The following TRANK1 variants were observed in gnomAD, a reference collection of about 807,000 sequenced individuals.
The protein encoded by TRANK1 is TPR and ankyrin repeat-containing protein 1.
A neutral mutation model predicts 266.0 loss-of-function variants in TRANK1; 198 were observed. The ratio of observed to expected loss-of-function variants is 0.74; its 90% CI spans 0.66 to 0.84. TRANK1 has a LOEUF of 0.84. Among genes scored for constraint, TRANK1 ranks in the 40% least tolerant of loss-of-function variants. The pLI is 0.00. For synonymous variants in TRANK1, 1,396 were observed against 1,384.1 expected (o/e 1.01, Z -0.19); for missense variants, 3,326 against 3,634.6 (o/e 0.92, Z 2.18).
chr3:36,880,107 CATATAT>C (rs562777730), intron 8 of TRANK1: 2 of 70,504 alleles, frequency 2.8e-5, no homozygotes, highest in East Asian at 1.2e-3. Context: ...TATATATAAA[CATATAT>C]AAATATATAT....
intron 15 of TRANK1, 32 bp from the exon 16 acceptor site, chr3:36,847,378 GA>G: frequency 2.5e-6 from 4 of 1,610,660 alleles, no homozygotes; most frequent in Non-Finnish European, 3.4e-6. Context: ...AAGACCAACA[GA>G]ATATGCTTTT....
chr3:36,879,773 T>C (rs1247239511), intron 8 of TRANK1, among the ~76,000 whole-genome samples: 1 of 64,206 alleles, frequency 1.6e-5, no homozygotes, highest in Non-Finnish European at 3.0e-5. Flanking sequence ...TATATATAAA[T>C]ATATATAAAT....
chr3:36,942,140 T>A (rs2080504866), intron 1 of TRANK1, among the ~76,000 whole-genome samples: 1 of 152,196 alleles, frequency 6.6e-6, no homozygotes, highest in Non-Finnish European at 1.5e-5. Flanking sequence ...AATGAGGGCA[T>A]ATACTATAGA....
intron 10 of TRANK1, among the ~76,000 whole-genome samples, chr3:36,862,898 A>C (rs2079164270): frequency 6.6e-6 from 1 of 152,166 alleles, no homozygotes; most frequent in Non-Finnish European, 1.5e-5. Flanking sequence ...TTTTATTAGG[A>C]GAGTCAAAAA....
chr3:36,846,351 G>T lies in TRANK1; in HGVS notation c.5088C>A (p.Val1696=). Residue 1696 remains valine (V), a synonymous_variant, in exon 17 of 24, where the codon GTC becomes GTA. Coordinates refer to ENST00000645898, the MANE Select transcript of TRANK1 (RefSeq NM_001329998.2). ...GGTTTTCATCAAAGATCCAGAGGTT[G>T]ACCCGAGCCCGTGTGATGGCGGTGT... ...QLYTAITRAR[V]NLWIFDENRE... 1 of 1,613,852 alleles carries T rather than the reference G, an allele frequency of 6.2e-7. No homozygotes were observed. Among genetic ancestry groups the T allele is most frequent in the Non-Finnish European group, 8.5e-7 (1 of 1,179,830 alleles).
At chr3:36,849,258 G>T (rs1299986024) in intron 15 of TRANK1, among the ~76,000 whole-genome samples, 1 of 152,062 alleles carries the variant, frequency 6.6e-6, no homozygotes, top group Non-Finnish European at 1.5e-5. Context: ...GGTCCCACTG[G>T]GGCAAGGTAT....
chr3:36,858,884 A>G lies in TRANK1; in HGVS notation c.1506T>C (p.Asp502=), dbSNP rs2079095578. 3 of 1,535,696 alleles carry G rather than the reference A, an allele frequency of 2.0e-6. No homozygotes were observed. Among genetic ancestry groups the G allele is most frequent in the Non-Finnish European group, 2.6e-6 (3 of 1,146,200 alleles). ...GCLIDSGALP[D]GLQESQERPV... is the part of the protein sequence containing the mutation. ...GCCTCTCCTGGCTCTCCTGAAGACC[A>G]TCAGGCAAGGCTGGGAGAGGAGAGA... The change falls in exon 12 of 24, where the codon GAT becomes GAC. Residue 502 remains aspartate, a synonymous_variant. Transcript: ENST00000645898.
chr3:36,903,819 GT>G (rs910937133), intron 2 of TRANK1, among the ~76,000 whole-genome samples: 7 of 152,222 alleles, frequency 4.6e-5, no homozygotes, highest in Non-Finnish European at 2.9e-5. Context: ...TGGTCTAGAG[GT>G]AATATAGCTG....
At chr3:36,853,407 T>C (rs1341826966) in intron 13 of TRANK1, among the ~76,000 whole-genome samples, 1 of 152,120 alleles carries the variant, frequency 6.6e-6, no homozygotes, top group African/African-American at 2.4e-5. Flanking sequence ...TACCAAATAG[T>C]GAAGGGAAAA....
chr3:36,855,330 C>T lies in TRANK1; in HGVS notation c.4392G>A (p.Gly1464=), dbSNP rs1245948614. 6.2e-7 allele frequency: 1 copy of T among 1,613,908 alleles called. No homozygotes were observed. Among genetic ancestry groups the T allele is most frequent in the Non-Finnish European group, 8.5e-7 (1 of 1,179,896 alleles). ...INDPNSMFLT[G]DTAQSIMKGV... is the part of the protein sequence containing the mutation. ...CCTTCATGATGCTCTGGGCCGTGTC[C>T]CCCGTGAGGAACATAGAGTTGGGGT... The change falls in exon 13 of 24, where the codon GGG becomes GGA. Residue 1464 remains glycine (G), a synonymous_variant. Coordinates refer to ENST00000645898, the MANE Select transcript of TRANK1 (RefSeq NM_001329998.2).
intron 20 of TRANK1, 57 bp from the exon 21 acceptor site, chr3:36,834,964 T>G: frequency 3.4e-6 from 5 of 1,455,124 alleles, no homozygotes; most frequent in Non-Finnish European, 4.6e-6. Context: ...CTTTCTAATC[T>G]TAAACCAATA....
intron 1 of TRANK1, among the ~76,000 whole-genome samples, chr3:36,940,299 C>T (rs973791903): frequency 1.3e-5 from 2 of 151,172 alleles, no homozygotes; most frequent in African/African-American, 2.4e-5. Context: ...AGATCGAGAC[C>T]ATCCTGGCTA....
At chr3:36,912,839 A>G (rs1449426147) in intron 1 of TRANK1, among the ~76,000 whole-genome samples, 3 of 152,028 alleles carry the variant, frequency 2.0e-5, no homozygotes, top group East Asian at 1.9e-4. Flanking sequence ...TTATCTGGGT[A>G]CTGCTTGAAT....
Position 36,829,644 on chromosome 3 carries a change from C to T in TRANK1, c.8729G>A (p.Arg2910Gln), listed in dbSNP as rs1345351418. ...TGACAGGATCAGAATGTTGACCAGC[C>T]GAGTCATCGCCTCCTCCGCTTCAGA... ...AWAGAEEAMT[R>Q]LVNILILSVR... The change falls in exon 23 of 24, where the codon CGG becomes CAG. Residue 2910 changes from arginine (R) to glutamine (Q), a missense_variant. By Grantham distance (43) the Arg-to-Gln change is conservative. Coordinates refer to ENST00000645898, the MANE Select transcript of TRANK1 (RefSeq NM_001329998.2). The T allele has an allele frequency of 6.2e-6, 10 of 1,613,874 alleles. No individual in the cohort carries two copies. The highest frequency in any genetic ancestry group is 3.3e-5 in the Admixed American group (2 of 60,030).
At chr3:36,841,146 A>C (rs957729518) in intron 18 of TRANK1, among the ~76,000 whole-genome samples, 4 of 152,172 alleles carry the variant, frequency 2.6e-5, no homozygotes, top group African/African-American at 4.8e-5. Context: ...CAGAACCTTT[A>C]CTCAGGCCCA....
intron 1 of TRANK1, among the ~76,000 whole-genome samples, chr3:36,921,349 G>C (rs1325838832): frequency 6.6e-6 from 1 of 152,172 alleles, no homozygotes; most frequent in African/African-American, 2.4e-5. Context: ...CCATTCACGA[G>C]TCACATCCTC....
chr3:36,927,925 A>C (rs1378192655), intron 1 of TRANK1, among the ~76,000 whole-genome samples: 1 of 152,192 alleles, frequency 6.6e-6, no homozygotes, highest in Non-Finnish European at 1.5e-5. Flanking sequence ...TCTAGCCTGC[A>C]CAAATCTAAG....
chr3:36,878,775 CA>C (rs202216198), intron 8 of TRANK1, among the ~76,000 whole-genome samples: 41,287 of 121,578 alleles, frequency 0.34, 6,247 homozygotes, highest in Non-Finnish European at 0.41. Context: ...AATGAAAGTT[CA>C]AAAAAAAAAA....
At chr3:36,935,114 T>C (rs1432360769) in intron 1 of TRANK1, among the ~76,000 whole-genome samples, 2 of 152,068 alleles carry the variant, frequency 1.3e-5, no homozygotes. Flanking sequence ...CCAGCACAAT[T>C]TCTATGAACA....
Sources: allele counts gnomAD v4.1 joint callset (sites outside exome capture counted in the v4.1 genomes callset), GRCh38; gene constraint gnomAD v4.1.1; transcripts MANE v1.5; gene names NCBI Gene and HGNC (gene_info 2026-07-23, HGNC 2026-07-21).